The following KCNN2 variants were observed in gnomAD, a reference collection of about 807,000 sequenced individuals.
KCNN2 encodes potassium calcium-activated channel subfamily N member 2.
In KCNN2, 24 loss-of-function variants were observed where a neutral mutation model predicts 55.5. That is an observed-to-expected ratio of 0.43 (90% CI 0.31 to 0.61). The LOEUF (loss-of-function observed/expected upper bound fraction) is 0.61, where lower values mean the gene tolerates loss of function less well. Among genes scored for constraint, KCNN2 ranks in the 20% least tolerant of loss-of-function variants. The pLI, the probability that KCNN2 is intolerant of heterozygous loss-of-function variation, is 0.08. For synonymous variants in KCNN2, 431 were observed against 336.1 expected, an observed-to-expected ratio of 1.28 and a Z score of -3.09; for missense variants, 754 against 853.6, an observed-to-expected ratio of 0.88 and a Z score of 1.45.
At chr5:114,443,313 G>GA (rs998668927) in intron 3 of KCNN2, among the ~76,000 whole-genome samples, 170 of 131,150 alleles carry the variant, frequency 1.3e-3, no homozygotes, top group Middle Eastern at 7.7e-3. Flanking sequence ...AAAGAAAAAA[G>GA]AAAAAAAAAA....
chr5:114,441,769 C>G (rs1760223048), intron 3 of KCNN2, among the ~76,000 whole-genome samples: 1 of 152,110 alleles, frequency 6.6e-6, no homozygotes, highest in Non-Finnish European at 1.5e-5. Flanking sequence ...TCCCACTAGA[C>G]TAGATCACTA....
At chr5:114,209,802 T>G (rs1266214622) in intron 1 of KCNN2, among the ~76,000 whole-genome samples, 1 of 152,354 alleles carries the variant, frequency 6.6e-6, no homozygotes, top group East Asian at 1.9e-4. Flanking sequence ...TGCTGAAATA[T>G]GAAATGTCAC....
chr5:114,138,770 A>C (rs7730964), intron 1 of KCNN2, among the ~76,000 whole-genome samples: 4,721 of 152,152 alleles, frequency 0.031, 261 homozygotes, highest in African/African-American at 0.11. Flanking sequence ...TAAGGATGGG[A>C]GGTAGAGGAG....
At chr5:114,401,831 T>C (rs1561608999) in intron 2 of KCNN2, among the ~76,000 whole-genome samples, 1 of 152,174 alleles carries the variant, frequency 6.6e-6, no homozygotes, top group Non-Finnish European at 1.5e-5. Flanking sequence ...TAGTAGGCAA[T>C]GAAGTTGGAG....
intron 1 of KCNN2, among the ~76,000 whole-genome samples, chr5:114,155,953 C>T (rs1309098709): frequency 6.6e-6 from 1 of 152,088 alleles, no homozygotes; most frequent in Non-Finnish European, 1.5e-5. Flanking sequence ...TAAATCTTTG[C>T]CCATGCTTGT....
chr5:114,441,355 G>A (rs1269820716), intron 3 of KCNN2, among the ~76,000 whole-genome samples: 1 of 152,138 alleles, frequency 6.6e-6, no homozygotes, highest in Non-Finnish European at 1.5e-5. Context: ...AAACCCTGTA[G>A]CCAATAACTA....
At chr5:114,297,622 A>G (rs971951847) in intron 2 of KCNN2, among the ~76,000 whole-genome samples, 1 of 152,160 alleles carries the variant, frequency 6.6e-6, no homozygotes, top group African/African-American at 2.4e-5. Flanking sequence ...ATCCCTCCAA[A>G]AACTCTAAAT....
intron 3 of KCNN2, among the ~76,000 whole-genome samples, chr5:114,419,777 G>A (rs1307894212): frequency 1.3e-5 from 2 of 152,150 alleles, no homozygotes; most frequent in East Asian, 3.9e-4. Context: ...ATTGCTTTAG[G>A]CAAGGAATTC....
intron 1 of KCNN2, among the ~76,000 whole-genome samples, chr5:114,149,268 T>G (rs1397337165): frequency 4.6e-5 from 7 of 152,062 alleles, no homozygotes; most frequent in Non-Finnish European, 1.0e-4. Context: ...GGAGACCTTA[T>G]CGTCGAGACC....
chr5:114,057,206 G>A (rs907732759), intron 1 of KCNN2: 3 of 152,126 alleles, frequency 2.0e-5, no homozygotes, highest in Admixed American at 6.5e-5. Flanking sequence ...CAAGCCATGG[G>A]TAGTTAAAAC....
intron 1 of KCNN2, among the ~76,000 whole-genome samples, chr5:114,124,940 C>G (rs965775307): frequency 6.6e-6 from 1 of 152,086 alleles, no homozygotes; most frequent in Non-Finnish European, 1.5e-5. Flanking sequence ...ATTTTTCCTT[C>G]TCATTCACCA....
chr5:114,278,943 T>A (rs1008605997), intron 2 of KCNN2, among the ~76,000 whole-genome samples: 1 of 152,156 alleles, frequency 6.6e-6, no homozygotes, highest in Non-Finnish European at 1.5e-5. Flanking sequence ...ATCACCGATC[T>A]TCTGCATCAA....
chr5:114,131,801 G>A (rs1281036562), intron 1 of KCNN2, among the ~76,000 whole-genome samples: 1 of 152,108 alleles, frequency 6.6e-6, no homozygotes, highest in African/African-American at 2.4e-5. Context: ...GTTGTTTCTT[G>A]ATTTTTTAAT....
intron 3 of KCNN2, among the ~76,000 whole-genome samples, chr5:114,440,385 T>C (rs1429566248): frequency 6.6e-6 from 1 of 152,168 alleles, no homozygotes; most frequent in African/African-American, 2.4e-5. Context: ...AGTGAGAGTA[T>C]GTACCACCAG....
chr5:114,120,382 G>A (rs961186301), intron 1 of KCNN2, among the ~76,000 whole-genome samples: 1 of 152,238 alleles, frequency 6.6e-6, no homozygotes, highest in African/African-American at 2.4e-5. Flanking sequence ...TGGGGTCAGC[G>A]CTGAGGATCT....
chr5:114,462,907 G>C (rs1203299118), intron 3 of KCNN2, 142 bp from the exon 4 acceptor site: 3 of 742,810 alleles, frequency 4.0e-6, no homozygotes, highest in Non-Finnish European at 6.6e-6. Flanking sequence ...CCTCAATTTT[G>C]TTTATATTCA....
chr5:114,287,037 C>G (rs1346738940), intron 2 of KCNN2, among the ~76,000 whole-genome samples: 1 of 152,154 alleles, frequency 6.6e-6, no homozygotes. Flanking sequence ...AACTGATGCT[C>G]CTACAGTTAG....
chr5:114,346,832 G>T (rs2150038673), intron 2 of KCNN2, among the ~76,000 whole-genome samples: 1 of 150,634 alleles, frequency 6.6e-6, no homozygotes, highest in Non-Finnish European at 1.5e-5. Flanking sequence ...GGCTGGGACA[G>T]AAAAATACCA....
chr5:114,384,576 C>G (rs1717637975), intron 2 of KCNN2, among the ~76,000 whole-genome samples: 1 of 152,234 alleles, frequency 6.6e-6, no homozygotes, highest in African/African-American at 2.4e-5. Flanking sequence ...CTTTGACATA[C>G]TTCTCTAGAG....
Sources: allele counts gnomAD v4.1 joint callset (sites outside exome capture counted in the v4.1 genomes callset), GRCh38; gene constraint gnomAD v4.1.1; transcripts MANE v1.5; gene names NCBI Gene and HGNC (gene_info 2026-07-23, HGNC 2026-07-21).